The following UBE2D2 variants were observed in gnomAD, a reference collection of about 807,000 sequenced individuals.
UBE2D2 encodes the protein ubiquitin conjugating enzyme E2 D2.
Under a neutral mutation model 24.2 loss-of-function variants are expected in UBE2D2, and 2 were observed. That is an observed-to-expected ratio of 0.08 (90% CI 0.03 to 0.26). UBE2D2 has a LOEUF of 0.26. Among genes scored for constraint, UBE2D2 ranks in the 10% least tolerant of loss-of-function variants. The pLI is 1.00. For synonymous variants in UBE2D2, 58 were observed against 56.5 expected, an observed-to-expected ratio of 1.03 and a Z score of -0.12; for missense variants, 44 against 177.6, an observed-to-expected ratio of 0.25 and a Z score of 4.28.
rs563335832 is a variant in UBE2D2, at chr5:139,614,674, C to T, written c.121-23C>T. On this transcript the variant is annotated intron_variant, in intron 3 of 6. Transcript: ENST00000398733. ...GTTTATGTAATTTACTCATTTTAAT[C>T]CCACTTTTCTTGTTATCAACAGAAT... is the stretch of plus-strand genomic sequence containing the variant. The T allele has an allele frequency of 2.5e-6, 4 of 1,613,564 alleles. No homozygotes were observed. In the Admixed American group the frequency reaches 6.7e-5, roughly 27 times the overall value.
At chr5:139,534,954 C>T (rs906520144) in intron 1 of UBE2D2, among the ~76,000 whole-genome samples, 1 of 150,734 alleles carries the variant, frequency 6.6e-6, no homozygotes, top group Non-Finnish European at 1.5e-5. Context: ...GCCTGGGCAA[C>T]ATGGCAAAAC....
At chr5:139,562,018 C>T (rs1753111726) in intron 1 of UBE2D2, 4 of 859,926 alleles carry the variant, frequency 4.7e-6, no homozygotes, top group Non-Finnish European at 6.7e-6. Context: ...CGGAGGTGCT[C>T]TCGCGGCCTC....
At chr5:139,599,751 A>C (rs1754034270) in intron 1 of UBE2D2, among the ~76,000 whole-genome samples, 4 of 151,948 alleles carry the variant, frequency 2.6e-5, no homozygotes, top group African/African-American at 9.7e-5. Context: ...AACAAACAAC[A>C]AACAAACAAA....
chr5:139,594,336 T>A (rs1342436488), intron 1 of UBE2D2, among the ~76,000 whole-genome samples: 1 of 152,156 alleles, frequency 6.6e-6, no homozygotes, highest in Non-Finnish European at 1.5e-5. Context: ...TTTGCTATAG[T>A]GTTGTGATAT....
intron 1 of UBE2D2, among the ~76,000 whole-genome samples, chr5:139,595,892 G>GTTTTTTTT (rs70988709): frequency 3.0e-5 from 3 of 98,878 alleles, no homozygotes; most frequent in African/African-American, 4.3e-5. Context: ...GTTTTTTGTT[G>GTTTTTTTT]TTTTTTTTTT....
chr5:139,579,843 C>G (rs928040772), intron 1 of UBE2D2, among the ~76,000 whole-genome samples: 2 of 151,660 alleles, frequency 1.3e-5, no homozygotes, highest in Non-Finnish European at 2.9e-5. Context: ...GTCAGGAGTT[C>G]GAGACCAGCC....
chr5:139,561,764 C>CG lies in UBE2D2; in HGVS notation c.-23dup, dbSNP rs1561502888. The CG allele has an allele frequency of 2.7e-6, 4 of 1,493,580 alleles. No homozygotes were observed. The highest frequency in any genetic ancestry group is 1.3e-5 in the South Asian group (1 of 77,120). The allele number at this position is 1,493,580 out of a possible 1,614,324, so 92.5% of individuals were successfully genotyped here. ...CCCTTCCCCGCCCCCGTCCCCGCCC[C>CG]GGGGGCCGCCGCCACCCGCCTCCCA... is the stretch of plus-strand genomic sequence containing the variant. On this transcript the variant is annotated 5_prime_UTR_variant, in exon 1 of 7. Coordinates refer to ENST00000398733, the MANE Select transcript of UBE2D2 (RefSeq NM_003339.3).
At chr5:139,564,783 C>T (rs889124256) in intron 1 of UBE2D2, among the ~76,000 whole-genome samples, 1 of 152,138 alleles carries the variant, frequency 6.6e-6, no homozygotes, top group Non-Finnish European at 1.5e-5. Context: ...TCAATATTAA[C>T]CATTTTCCCC....
intron 1 of UBE2D2, among the ~76,000 whole-genome samples, chr5:139,546,821 C>CTTT (rs1222885899): frequency 0.053 from 255 of 4,808 alleles, 2 homozygotes; most frequent in Middle Eastern, 0.17. Context: ...TTTCTTTCTT[C>CTTT]CTTCCTTCCT....
intron 1 of UBE2D2, among the ~76,000 whole-genome samples, chr5:139,536,287 CAGGGTTTCTCCACATTGGT>C (rs1752681277): frequency 6.6e-5 from 10 of 150,920 alleles, no homozygotes; most frequent in Admixed American, 4.0e-4. Flanking sequence ...TTAGTATAGA[CAGGGTTTCTCCACATTGGT>C]CAGGCTGGTC....
In UBE2D2 at chr5:139,554,076, G is replaced by A. The variant is rs565177348; in HGVS notation, c.-64+27464G>A. The stretch of plus-strand genomic sequence containing the variant: ...ATTACAGGCATGAGCCACCACGCCC[G>A]GCCAAGGTTCCATGAGTTTTGACAA... On this transcript the variant is annotated intron_variant, in intron 1 of 6. Coordinates refer to the UBE2D2 transcript ENST00000511725. Among the ~76,000 whole-genome samples the A allele has an allele frequency of 2.5e-4, 38 of 152,248 alleles. No individual in the cohort carries two copies. The East Asian group carries it at 6.0e-3, about 24-fold the overall frequency.
intron 1 of UBE2D2, among the ~76,000 whole-genome samples, chr5:139,566,781 A>T (rs185904797): frequency 1.3e-5 from 2 of 152,182 alleles, no homozygotes; most frequent in East Asian, 3.8e-4. Context: ...TGCATGTGCT[A>T]TCAGATGAGG....
At chr5:139,534,792 A>G (rs1752647511) in intron 1 of UBE2D2, among the ~76,000 whole-genome samples, 1 of 152,082 alleles carries the variant, frequency 6.6e-6, no homozygotes, top group African/African-American at 2.4e-5. Flanking sequence ...ATTGGGCACA[A>G]ACATTTGTAC....
intron 2 of UBE2D2, among the ~76,000 whole-genome samples, chr5:139,612,533 CT>C (rs1374009079): frequency 6.6e-6 from 1 of 152,224 alleles, no homozygotes; most frequent in African/African-American, 2.4e-5. Context: ...ACTCTTACAG[CT>C]TTGAGTGGAA....
At chr5:139,543,201 AC>A (rs1388707359) in intron 1 of UBE2D2, among the ~76,000 whole-genome samples, 1 of 152,098 alleles carries the variant, frequency 6.6e-6, no homozygotes, top group Non-Finnish European at 1.5e-5. Flanking sequence ...GGCATATGTT[AC>A]TTTTTAAATT....
intron 5 of UBE2D2, among the ~76,000 whole-genome samples, chr5:139,622,325 A>G (rs1439910655): frequency 6.7e-6 from 1 of 149,384 alleles, no homozygotes; most frequent in Non-Finnish European, 1.5e-5. Flanking sequence ...GCTCACTGCA[A>G]CCTCCACCTC....
chr5:139,546,870 C>CTT (rs869257751), intron 1 of UBE2D2, among the ~76,000 whole-genome samples: 1 of 143,514 alleles, frequency 7.0e-6, no homozygotes, highest in African/African-American at 2.6e-5. Context: ...TCCTTCCTTC[C>CTT]TTTCTTTCCT....
At chr5:139,622,762 T>C (rs1408615379) in intron 5 of UBE2D2, among the ~76,000 whole-genome samples, 3 of 149,442 alleles carry the variant, frequency 2.0e-5, no homozygotes, top group Non-Finnish European at 4.5e-5. Flanking sequence ...TGGTGGCGGG[T>C]GCCTGTAGTC....
chr5:139,528,975 G>A (rs1029826793), intron 1 of UBE2D2, among the ~76,000 whole-genome samples: 4 of 152,166 alleles, frequency 2.6e-5, no homozygotes, highest in Admixed American at 6.5e-5. Context: ...ACACATGGCC[G>A]AAGCATGAGG....
Sources: allele counts gnomAD v4.1 joint callset (sites outside exome capture counted in the v4.1 genomes callset), GRCh38; gene constraint gnomAD v4.1.1; transcripts MANE v1.5; gene names NCBI Gene and HGNC (gene_info 2026-07-23, HGNC 2026-07-21).